Variants in THSD7B observed in about 807,000 individuals in gnomAD.
THSD7B encodes the protein thrombospondin type-1 domain-containing protein 7B.
Under a neutral mutation model 213.6 loss-of-function variants are expected in THSD7B, and 138 were observed. That is an observed-to-expected ratio of 0.65 (90% CI 0.56 to 0.74). THSD7B has a LOEUF of 0.74. THSD7B is among the 30% of genes least tolerant of loss of function. The probability of loss-of-function intolerance (pLI) is 0.00; values close to 1 mark genes in which losing one functional copy is unlikely to be tolerated. For missense variants in THSD7B, 1,931 were observed against 1,991.5 expected (o/e 0.97, Z 0.58); for synonymous variants, 742 against 687.0 (o/e 1.08, Z -1.25).
chr2:137,198,793 A>G (rs1420795935), intron 7 of THSD7B, among the ~76,000 whole-genome samples: 1 of 152,198 alleles, frequency 6.6e-6, no homozygotes, highest in African/African-American at 2.4e-5. Context: ...ATGATGAGTT[A>G]TAAAAGAAAA....
chr2:137,630,534 A>C (rs1235568955), intron 20 of THSD7B, among the ~76,000 whole-genome samples: 1 of 152,226 alleles, frequency 6.6e-6, no homozygotes, highest in Non-Finnish European at 1.5e-5. Flanking sequence ...AAATAAGATA[A>C]TTCTGTATTT....
intron 2 of THSD7B, among the ~76,000 whole-genome samples, chr2:136,933,725 C>T (rs1426028838): frequency 6.6e-6 from 1 of 151,842 alleles, no homozygotes; most frequent in Non-Finnish European, 1.5e-5. Context: ...GTTCCCTGTC[C>T]CCCCATCCTT....
intron 15 of THSD7B, among the ~76,000 whole-genome samples, chr2:137,557,186 G>A (rs1680990675): frequency 6.6e-6 from 1 of 152,288 alleles, no homozygotes; most frequent in East Asian, 1.9e-4. Context: ...TCTGCACCAA[G>A]CAGACCTAAT....
intron 2 of THSD7B, among the ~76,000 whole-genome samples, chr2:137,023,419 G>C (rs1686483483): frequency 6.6e-6 from 1 of 152,046 alleles, no homozygotes; most frequent in Admixed American, 6.6e-5. Context: ...CGGATAACCT[G>C]TATTAGGAAG....
At chr2:137,643,199 C>T (rs557783258) in intron 21 of THSD7B, among the ~76,000 whole-genome samples, 32 of 152,318 alleles carry the variant, frequency 2.1e-4, no homozygotes, top group African/African-American at 7.5e-4. Flanking sequence ...GTACCAAGAG[C>T]TTTTGCTAGA....
intron 12 of THSD7B, among the ~76,000 whole-genome samples, chr2:137,299,855 T>C (rs16838701): frequency 0.061 from 9,359 of 152,184 alleles, 541 homozygotes; most frequent in African/African-American, 0.14. Context: ...GATTTTTAAA[T>C]TTTCTCTCTG....
intron 12 of THSD7B, among the ~76,000 whole-genome samples, chr2:137,314,986 T>C (rs2104868803): frequency 6.6e-6 from 1 of 152,274 alleles, no homozygotes; most frequent in African/African-American, 2.4e-5. Flanking sequence ...CCCCCAGAGG[T>C]GGAGCCTACA....
chr2:137,000,515 T>C (rs772243190), intron 2 of THSD7B, among the ~76,000 whole-genome samples: 7 of 152,158 alleles, frequency 4.6e-5, no homozygotes, highest in Non-Finnish European at 1.0e-4. Flanking sequence ...ACATTCTTAG[T>C]GTACTCATGA....
chr2:136,955,870 T>A (rs929329680), intron 2 of THSD7B, among the ~76,000 whole-genome samples: 1 of 151,934 alleles, frequency 6.6e-6, no homozygotes, highest in Non-Finnish European at 1.5e-5. Context: ...AGCTGGATGG[T>A]CTCGATCTCC....
At chr2:137,151,935 G>A (rs1238488066) in intron 5 of THSD7B, among the ~76,000 whole-genome samples, 1 of 151,606 alleles carries the variant, frequency 6.6e-6, no homozygotes, top group Non-Finnish European at 1.5e-5. Flanking sequence ...GCACATGACT[G>A]TGTTTGTAGC....
chr2:137,003,810 G>C (rs1995642), intron 2 of THSD7B, among the ~76,000 whole-genome samples: 25,310 of 152,084 alleles, frequency 0.17, 3,059 homozygotes, highest in East Asian at 0.47. Flanking sequence ...AAAGGAAAAA[G>C]AGTCACAAAG....
intron 7 of THSD7B, among the ~76,000 whole-genome samples, chr2:137,228,080 A>G (rs1040404513): frequency 2.1e-4 from 32 of 151,950 alleles, no homozygotes; most frequent in African/African-American, 7.2e-4. Flanking sequence ...GGTAGCTACA[A>G]CTCACCTTAA....
At chr2:137,070,126 C>T (rs987808846) in intron 3 of THSD7B, among the ~76,000 whole-genome samples, 2 of 151,850 alleles carry the variant, frequency 1.3e-5, no homozygotes, top group Non-Finnish European at 2.9e-5. Flanking sequence ...AGATAACCAA[C>T]TTCCTTATTT....
intron 4 of THSD7B, among the ~76,000 whole-genome samples, chr2:137,113,781 G>A (rs1286334892): frequency 6.6e-6 from 1 of 152,080 alleles, no homozygotes; most frequent in Non-Finnish European, 1.5e-5. Context: ...GGAAGGACCT[G>A]AAGTCTGCAC....
intron 9 of THSD7B, among the ~76,000 whole-genome samples, chr2:137,241,132 C>G (rs1681888982): frequency 6.6e-6 from 1 of 152,198 alleles, no homozygotes; most frequent in South Asian, 2.1e-4. Flanking sequence ...TAATGCTCAT[C>G]ATTGCTGTTA....
At chr2:136,767,456 A>AGTGTGTGTGT (rs6146926) in intron 1 of THSD7B, among the ~76,000 whole-genome samples, 4,289 of 146,664 alleles carry the variant, frequency 0.029, 191 homozygotes, top group African/African-American at 0.087. Context: ...ATCCCTGGGA[A>AGTGTGTGTGT]GTGTGTGTGT....
intron 2 of THSD7B, among the ~76,000 whole-genome samples, chr2:137,045,174 T>C (rs1485490967): frequency 6.6e-6 from 1 of 151,920 alleles, no homozygotes; most frequent in African/African-American, 2.4e-5. Flanking sequence ...AACCTCAACA[T>C]ATGACTTGTT....
chr2:137,166,778 G>A (rs1327143242), intron 6 of THSD7B, among the ~76,000 whole-genome samples: 1 of 152,208 alleles, frequency 6.6e-6, no homozygotes, highest in Admixed American at 6.5e-5. Flanking sequence ...TCCCTTGAAT[G>A]AGAAGTCTAT....
chr2:137,623,733 C>T (rs1419046262), intron 20 of THSD7B, among the ~76,000 whole-genome samples: 2 of 152,096 alleles, frequency 1.3e-5, no homozygotes, highest in East Asian at 3.9e-4. Flanking sequence ...TTCACAATTG[C>T]TTCAAAGAGA....
Sources: gnomAD v4.1 joint callset for allele counts (sites outside exome capture counted in the v4.1 genomes callset) on GRCh38, gnomAD v4.1.1 for gene constraint, MANE v1.5 for transcripts, NCBI Gene and HGNC (gene_info 2026-07-23, HGNC 2026-07-21) for gene names.